NTN1: variants seen among roughly 807,000 people sequenced by gnomAD.
NTN1 encodes netrin-1.
A neutral mutation model predicts 54.2 loss-of-function variants in NTN1; 11 were observed. That is an observed-to-expected ratio of 0.20 (90% CI 0.13 to 0.34). NTN1 has a LOEUF of 0.34. Among genes scored for constraint, NTN1 ranks in the 10% least tolerant of loss-of-function variants. The probability of loss-of-function intolerance (pLI) is 1.00; values close to 1 mark genes in which losing one functional copy is unlikely to be tolerated. For synonymous variants in NTN1, 371 were observed against 382.0 expected (o/e 0.97, Z 0.33); for missense variants, 740 against 893.1 (o/e 0.83, Z 2.18).
chr17:9,087,902 G>A lies in NTN1; in HGVS notation c.1018+64511G>A, dbSNP rs575669100. ...GTTAGATCTAAGTCCTCCACTGAGT[G>A]CTCCTGGGGCATCCTGCCCCCAGGG... On this transcript the variant is annotated intron_variant, in intron 2 of 6. Coordinates refer to ENST00000173229, the MANE Select transcript of NTN1 (RefSeq NM_004822.3). 7.2e-5 allele frequency among the ~76,000 whole-genome samples: 11 copies of A among 152,324 alleles called. 1 individual carries two copies. In the South Asian group the frequency reaches 1.9e-3, roughly 26 times the overall value.
intron 2 of NTN1, 44 bp downstream of exon 2, chr17:9,023,435 G>C: frequency 7.5e-7 from 1 of 1,342,064 alleles, no homozygotes; most frequent in South Asian, 2.0e-5. Context: ...GTGGGGCCGC[G>C]GGCGGGAGCT....
At chr17:9,020,076 A>G (rs905443749), upstream of NTN1, among the ~76,000 whole-genome samples, 2 of 152,128 alleles carry the variant, frequency 1.3e-5, no homozygotes, top group African/African-American at 2.4e-5. Context: ...TCTCTCTGGG[A>G]GGCTGGGGAA....
intron 5 of NTN1, among the ~76,000 whole-genome samples, chr17:9,195,999 G>A (rs780608287): frequency 3.9e-5 from 6 of 152,138 alleles, no homozygotes; most frequent in Non-Finnish European, 7.3e-5. Flanking sequence ...CAGTCTTCTC[G>A]GTGAAATGAA....
At chr17:9,222,519 C>T (rs1057254554) in intron 6 of NTN1, among the ~76,000 whole-genome samples, 6 of 152,188 alleles carry the variant, frequency 3.9e-5, no homozygotes, top group African/African-American at 1.4e-4. Flanking sequence ...ACGGGGAGGA[C>T]AGAGCACGGG....
intron 4 of NTN1, among the ~76,000 whole-genome samples, chr17:9,180,346 T>G (rs1316463836): frequency 3.9e-5 from 6 of 152,188 alleles, no homozygotes; most frequent in African/African-American, 1.4e-4. Flanking sequence ...GCCCATTCAG[T>G]GGGTTCTGTC....
the NTN1 span, among the ~76,000 whole-genome samples, chr17:9,007,270 C>G: frequency 9.3e-5 from 13 of 140,150 alleles, no homozygotes; most frequent in African/African-American, 3.5e-4. Context: ...TTCTCTCTTT[C>G]TTTTCTTTCA....
intron 2 of NTN1, among the ~76,000 whole-genome samples, chr17:9,091,445 A>AC (rs1008525074): frequency 9.8e-6 from 1 of 101,590 alleles, no homozygotes; most frequent in East Asian, 3.4e-4. Context: ...CCTACGTTTA[A>AC]CCCCCCGCCT....
At chr17:9,126,073 A>G (rs1467877135) in intron 2 of NTN1, among the ~76,000 whole-genome samples, 1 of 152,266 alleles carries the variant, frequency 6.6e-6, no homozygotes, top group African/African-American at 2.4e-5. Flanking sequence ...GGATGGCTGA[A>G]TGAACGACGC....
At position 9,212,432 on chromosome 17, in the gene NTN1, C is replaced by T. The variant is rs938133985; in HGVS notation, c.1412-8736C>T. ...CATGGAAATCTGGACTCTCTGGCCG[C>T]GGAGATTCCATGCAGCTTTCTGGTT... On this transcript the variant is annotated intron_variant, in intron 5 of 6. Transcript: ENST00000173229. The surrounding 1 kb of genome is among the most constrained non-coding windows in gnomAD (Gnocchi z 5.5). Among the ~76,000 whole-genome samples, 6 of 152,192 alleles carry T rather than the reference C, an allele frequency of 3.9e-5. No homozygotes were observed. Among genetic ancestry groups the T allele is most frequent in the South Asian group, 2.1e-4 (1 of 4,828 alleles).
intron 2 of NTN1, among the ~76,000 whole-genome samples, chr17:9,032,094 C>T (rs932266164): frequency 9.9e-5 from 15 of 152,192 alleles, no homozygotes; most frequent in Non-Finnish European, 2.2e-4. Context: ...TGCACTAACC[C>T]TGAACAGGGA....
intron 2 of NTN1, among the ~76,000 whole-genome samples, chr17:9,067,577 T>C (rs751829020): frequency 6.6e-6 from 1 of 152,200 alleles, no homozygotes; most frequent in Non-Finnish European, 1.5e-5. Context: ...TATGACTCCA[T>C]TCTCCACTCC....
intron 5 of NTN1, among the ~76,000 whole-genome samples, chr17:9,220,672 G>C (rs1031052938): frequency 6.6e-6 from 1 of 152,034 alleles, no homozygotes. Flanking sequence ...AACACCAAAG[G>C]GGTTTTTTAA....
intron 2 of NTN1, among the ~76,000 whole-genome samples, chr17:9,088,513 A>T (rs1262293225): frequency 6.6e-6 from 1 of 151,910 alleles, no homozygotes; most frequent in African/African-American, 2.4e-5. Context: ...AGCTCCTAGC[A>T]CCCCAATGAC....
At chr17:9,204,863 G>A (rs772898977) in intron 5 of NTN1, among the ~76,000 whole-genome samples, 3 of 152,030 alleles carry the variant, frequency 2.0e-5, no homozygotes, top group Non-Finnish European at 2.9e-5. Context: ...CATGAGGTTG[G>A]GTAGAGTAAC....
intron 2 of NTN1, among the ~76,000 whole-genome samples, chr17:9,072,027 C>A (rs892874375): frequency 6.6e-6 from 1 of 152,180 alleles, no homozygotes; most frequent in South Asian, 2.1e-4. Flanking sequence ...TGAGCACACA[C>A]GCAGCCCCGA....
intron 2 of NTN1, among the ~76,000 whole-genome samples, chr17:9,113,822 G>A (rs952030100): frequency 1.7e-4 from 26 of 152,138 alleles, no homozygotes; most frequent in East Asian, 7.7e-4. Flanking sequence ...GATGTCCAAC[G>A]ATGGGAGATG....
rs1421459536 is a variant in NTN1 at position 9,219,137 on chromosome 17, G to T, written c.1412-2031G>T. On this transcript the variant is annotated intron_variant, in intron 5 of 6. Transcript: ENST00000173229. This position sits in a 1 kb window ranked among gnomAD's most constrained non-coding sequence, Gnocchi z 4.5. ...CTATCCCTGAGCTGGCAAAGATGTGGCCCAGAGCGGCTGTTCCTCACAGGG... is the reference window on the plus strand; with the variant it reads ...CTATCCCTGAGCTGGCAAAGATGTGTCCCAGAGCGGCTGTTCCTCACAGGG... 6.6e-6 allele frequency among the ~76,000 whole-genome samples: 1 copy of T among 152,184 alleles called. No homozygotes were observed. The highest frequency in any genetic ancestry group is 1.5e-5 in the Non-Finnish European group (1 of 68,030).
At position 9,241,652 on chromosome 17, in the gene NTN1, A is replaced by T. The variant is rs1399024261; in HGVS notation, c.*1684A>T. 2.0e-5 allele frequency: 3 copies of T among 152,380 alleles called. No individual in the cohort carries two copies. The East Asian group carries it at 5.8e-4, about 29-fold the overall frequency. 9.4% of individuals were successfully genotyped at this position (152,380 alleles called of 1,614,324 possible). ...GGTCTGGCTTCCCTCCGCCTTCCCC[A>T]CATTTACCCGCATCACGGCTGCCAT... On this transcript the variant is annotated 3_prime_UTR_variant, in exon 7 of 7. Coordinates refer to ENST00000173229, the MANE Select transcript of NTN1 (RefSeq NM_004822.3).
At chr17:9,057,775 T>A (rs992808698) in intron 2 of NTN1, among the ~76,000 whole-genome samples, 22 of 152,358 alleles carry the variant, frequency 1.4e-4, no homozygotes, top group African/African-American at 5.3e-4. Context: ...GTGCAACACT[T>A]TTAATTTCAT....
Sources: gnomAD v4.1 joint callset for allele counts (sites outside exome capture counted in the v4.1 genomes callset) on GRCh38, gnomAD v4.1.1 for gene constraint, Gnocchi (gnomAD v3.1) non-coding constraint, MANE v1.5 for transcripts, NCBI Gene and HGNC (gene_info 2026-07-23, HGNC 2026-07-21) for gene names.